NINJ2: variants seen among roughly 807,000 people sequenced by gnomAD.
NINJ2 encodes ninjurin-2.
NINJ2 carries 12 observed loss-of-function variants against 11.7 expected under a neutral mutation model. That is an observed-to-expected ratio of 1.02 (90% CI 0.66 to 1.66). The LOEUF is 1.66. Among genes scored for constraint, NINJ2 ranks in the 40% most tolerant of loss-of-function variants. NINJ2 has a pLI of 0.00. For missense variants in NINJ2, 187 were observed against 181.8 expected, an observed-to-expected ratio of 1.03 and a Z score of -0.16; for synonymous variants, 93 against 76.8, an observed-to-expected ratio of 1.21 and a Z score of -1.10.
Position 637,836 on chromosome 12 carries a change from G to A in NINJ2, c.33+25492C>T, listed in dbSNP as rs1948371219. On this transcript the variant is annotated intron_variant, in intron 1 of 3. Coordinates refer to ENST00000305108, the MANE Select transcript of NINJ2 (RefSeq NM_016533.6). Reference sequence around the variant, plus strand: ...GGTGGGGTAAAAGAAATACAGCCTTGGCTTATGAATACCTAGGCACAGAAT... The same window carrying A: ...GGTGGGGTAAAAGAAATACAGCCTTAGCTTATGAATACCTAGGCACAGAAT... Among the ~76,000 whole-genome samples the A allele has an allele frequency of 3.9e-5, 6 of 152,160 alleles. No homozygotes were observed. The South Asian group carries it at 1.2e-3, about 32-fold the overall frequency.
chr12:626,461 C>T (rs1443442634), intron 1 of NINJ2, among the ~76,000 whole-genome samples: 3 of 152,154 alleles, frequency 2.0e-5, no homozygotes, highest in Admixed American at 6.5e-5. Context: ...TTCTCTCTAC[C>T]GCAGGGCCTG....
Position 611,245 on chromosome 12 carries a change from TTCTC to T in NINJ2, c.34-45071_34-45068del, listed in dbSNP as rs746399101. Among the ~76,000 whole-genome samples the T allele has an allele frequency of 7.6e-3, 864 of 113,134 alleles. 2 individuals are homozygous for T. The highest frequency in any genetic ancestry group is 0.011 in the Non-Finnish European group (603 of 53,460). The allele number at this position is 113,134 out of a possible 152,430, so 74.2% of individuals were successfully genotyped here. A position where few individuals can be genotyped will look rare whatever the true frequency, so the allele number is the denominator to read the frequency against. ...TCTTTCTTTTTCTTTCTTTCTTTCT[TTCTC>T]TCTCTCTCTTTCTTTCTTTCTTTCT... On this transcript the variant is annotated intron_variant, in intron 1 of 3. Coordinates refer to ENST00000305108, the MANE Select transcript of NINJ2 (RefSeq NM_016533.6).
chr12:567,967 A>AT (rs1565617055), intron 1 of NINJ2, among the ~76,000 whole-genome samples: 2 of 152,220 alleles, frequency 1.3e-5, no homozygotes, highest in Non-Finnish European at 2.9e-5. Context: ...AGATCGCACC[A>AT]TTGCACTCTA....
chr12:662,465 CTCT>C (rs1937971154), intron 1 of NINJ2, among the ~76,000 whole-genome samples: 1 of 151,760 alleles, frequency 6.6e-6, no homozygotes, highest in Admixed American at 6.6e-5. Flanking sequence ...AACAAAACAG[CTCT>C]TCTTTAATCC....
chr12:598,920 G>A (rs1947825303), intron 1 of NINJ2, among the ~76,000 whole-genome samples: 2 of 151,766 alleles, frequency 1.3e-5, no homozygotes, highest in Middle Eastern at 3.4e-3. Flanking sequence ...GGCTGGTCTC[G>A]AACTCCTGGG....
At chr12:610,515 G>A (rs2535405) in intron 1 of NINJ2, 1,250,136 of 1,507,204 alleles carry the variant, frequency 0.83, 520,212 homozygotes, top group African/African-American at 0.96. Flanking sequence ...TCCCCACAGC[G>A]GCCAGCCCAG....
At position 655,343 on chromosome 12, in the gene NINJ2, G is replaced by GACAT. The variant is rs1289177835; in HGVS notation, c.33+7981_33+7984dup. ...AATAAAACTATCTCTGTTTGCAGAT[G>GACAT]ACATGATTGTCTATGTAGAAAATCT... On this transcript the variant is annotated intron_variant, in intron 1 of 3. Coordinates refer to ENST00000305108, the MANE Select transcript of NINJ2 (RefSeq NM_016533.6). 2.0e-5 allele frequency among the ~76,000 whole-genome samples: 3 copies of GACAT among 152,304 alleles called. No individual in the cohort carries two copies. In the South Asian group the frequency reaches 6.2e-4, roughly 32 times the overall value.
At chr12:599,292 G>A (rs1947833422) in intron 1 of NINJ2, among the ~76,000 whole-genome samples, 1 of 152,128 alleles carries the variant, frequency 6.6e-6, no homozygotes, top group South Asian at 2.1e-4. Context: ...GCTGAGGCAG[G>A]AGAATTTCTT....
At chr12:605,966 GA>G (rs1447572419) in intron 1 of NINJ2, among the ~76,000 whole-genome samples, 2 of 152,162 alleles carry the variant, frequency 1.3e-5, no homozygotes, top group Non-Finnish European at 2.9e-5. Flanking sequence ...TGCAAAAAAG[GA>G]AAAGAATAAC....
chr12:596,693 C>A (rs4594059), intron 1 of NINJ2, among the ~76,000 whole-genome samples: 13,055 of 152,112 alleles, frequency 0.086, 714 homozygotes, highest in African/African-American at 0.16. Flanking sequence ...GAGGTTGAAG[C>A]AGGGGCATCC....
intron 1 of NINJ2, among the ~76,000 whole-genome samples, chr12:653,268 C>T (rs1305144003): frequency 1.3e-5 from 2 of 152,000 alleles, no homozygotes; most frequent in Non-Finnish European, 2.9e-5. Context: ...ATCTGCCCGC[C>T]TCTGCCTCCC....
Position 591,806 on chromosome 12 carries a change from T to C in NINJ2, c.34-25628A>G, listed in dbSNP as rs1017245388. 6.6e-6 allele frequency among the ~76,000 whole-genome samples: 1 copy of C among 152,170 alleles called. No individual in the cohort carries two copies. The highest frequency in any genetic ancestry group is 2.4e-5 in the African/African-American group (1 of 41,442). The stretch of plus-strand genomic sequence containing the variant: ...GGCCAAGGGTGTTTCTTTAGAGATA[T>C]TTCTCAGGTTCTGGGCCTCATTAGA... On this transcript the variant is annotated intron_variant, in intron 1 of 3. Coordinates refer to ENST00000305108, the MANE Select transcript of NINJ2 (RefSeq NM_016533.6). The surrounding 1 kb of genome is among the most constrained non-coding windows in gnomAD (Gnocchi z 5.0).
chr12:566,140 C>G lies in NINJ2; in HGVS notation c.72G>C (p.Leu24=). The G allele has an allele frequency of 6.2e-7, 1 of 1,614,102 alleles. No individual in the cohort carries two copies. Among genetic ancestry groups the G allele is most frequent in the Non-Finnish European group, 8.5e-7 (1 of 1,179,992 alleles). The part of the protein sequence containing the change: ...SSDPRSQPIN[L]NHYATKKSVA... ...CGCTCTTCTTGGTGGCGTAATGGTT[C>G]AGGTTGATGGGCTGGCTCCTGGGGT... Residue 24 remains leucine, a synonymous_variant, in exon 2 of 4, where the codon CTG becomes CTC. Transcript: ENST00000305108.
At chr12:579,451 G>A (rs1947515099) in intron 1 of NINJ2, among the ~76,000 whole-genome samples, 1 of 152,086 alleles carries the variant, frequency 6.6e-6, no homozygotes, top group African/African-American at 2.4e-5. Flanking sequence ...TCACCATGAT[G>A]AAGAGAAAGT....
intron 1 of NINJ2, among the ~76,000 whole-genome samples, chr12:603,006 ATT>A (rs59384072): frequency 1.7e-4 from 26 of 150,114 alleles, no homozygotes; most frequent in Non-Finnish European, 3.0e-4. Flanking sequence ...CTAATTTTTA[ATT>A]TTTTTTTTTG....
rs115472487 is a variant in NINJ2, at chr12:567,235, A to G, written c.34-1057T>C. Among the ~76,000 whole-genome samples, 1,052 of 151,588 alleles carry G rather than the reference A, an allele frequency of 6.9e-3. 22 individuals are homozygous for G. The highest frequency in any genetic ancestry group is 0.025 in the African/African-American group (1,010 of 41,152). On this transcript the variant is annotated intron_variant, in intron 1 of 3. Coordinates refer to ENST00000305108, the MANE Select transcript of NINJ2 (RefSeq NM_016533.6). ...GGACAGATACCTGCAGAGTGGGGAG[A>G]GACGGATGGATTGAAGGATGCTATG...
rs976523295 is a variant in NINJ2, at chr12:591,480, C to T, written c.34-25302G>A. Among the ~76,000 whole-genome samples, 15 of 152,306 alleles carry T rather than the reference C, an allele frequency of 9.8e-5. No homozygotes were observed. The highest frequency in any genetic ancestry group is 9.1e-4 in the Admixed American group (14 of 15,302). Reference sequence around the variant, plus strand: ...TAGTCATGACTACTAAGACCTGCTGCCCAGGACTGAGTGCTGATTCACCTA... The same window carrying T: ...TAGTCATGACTACTAAGACCTGCTGTCCAGGACTGAGTGCTGATTCACCTA... On this transcript the variant is annotated intron_variant, in intron 1 of 3. Coordinates refer to ENST00000305108, the MANE Select transcript of NINJ2 (RefSeq NM_016533.6). The surrounding 1 kb of genome is among the most constrained non-coding windows in gnomAD (Gnocchi z 5.0).
intron 1 of NINJ2, among the ~76,000 whole-genome samples, chr12:611,807 A>G (rs1948036595): frequency 6.6e-6 from 1 of 152,196 alleles, no homozygotes; most frequent in Non-Finnish European, 1.5e-5. Flanking sequence ...AGAGAGAAAA[A>G]CTTCCATGAG....
At chr12:569,192 C>A (rs1947344152) in intron 1 of NINJ2, among the ~76,000 whole-genome samples, 1 of 152,174 alleles carries the variant, frequency 6.6e-6, no homozygotes, top group South Asian at 2.1e-4. Flanking sequence ...CTTTGGAAAT[C>A]CAGTTCAAGC....
Sources: allele counts gnomAD v4.1 joint callset (sites outside exome capture counted in the v4.1 genomes callset), GRCh38; gene constraint gnomAD v4.1.1; non-coding constraint Gnocchi (gnomAD v3.1); transcripts MANE v1.5; gene names NCBI Gene and HGNC (gene_info 2026-07-23, HGNC 2026-07-21).